Variants in GPC5 observed in about 807,000 individuals in gnomAD.
The protein encoded by GPC5 is glypican-5.
In GPC5, 47 loss-of-function variants were observed where a neutral mutation model predicts 53.9. That is an observed-to-expected ratio of 0.87 (90% CI 0.69 to 1.11). GPC5 has a LOEUF of 1.11. Ranked by LOEUF, GPC5 falls within the 50% of genes most tolerant of loss-of-function variation. GPC5 has a pLI of 0.00. For missense variants in GPC5, 748 were observed against 713.1 expected (o/e 1.05, Z -0.56); for synonymous variants, 286 against 263.3 (o/e 1.09, Z -0.84).
rs369848038 is a variant in GPC5 at position 92,356,049 on chromosome 13, C to T, written c.1561+211060C>T. Among the ~76,000 whole-genome samples the T allele has an allele frequency of 1.8e-4, 28 of 152,282 alleles. 1 individual carries two copies. In the South Asian group the frequency reaches 5.8e-3, roughly 32 times the overall value. On this transcript the variant is annotated intron_variant, in intron 7 of 7. Coordinates refer to ENST00000377067, the MANE Select transcript of GPC5 (RefSeq NM_004466.6). ...AAACTTTTACCCTATTTTAGATTCTCTACCACTGGCCTTTTCTTTCTCTCA... is the reference window on the plus strand; with the variant it reads ...AAACTTTTACCCTATTTTAGATTCTTTACCACTGGCCTTTTCTTTCTCTCA...
intron 7 of GPC5, among the ~76,000 whole-genome samples, chr13:92,747,179 C>T (rs1423834374): frequency 6.6e-6 from 1 of 152,082 alleles, no homozygotes; most frequent in African/African-American, 2.4e-5. Context: ...ACTGACATAT[C>T]CATTTTTAGT....
chr13:91,700,763 CTCAA>C (rs2035975251), intron 3 of GPC5, among the ~76,000 whole-genome samples: 1 of 152,156 alleles, frequency 6.6e-6, no homozygotes, highest in Non-Finnish European at 1.5e-5. Context: ...TACATTCTTC[CTCAA>C]TCAAATTACG....
At chr13:91,562,781 A>G (rs529544261) in intron 2 of GPC5, among the ~76,000 whole-genome samples, 1 of 152,190 alleles carries the variant, frequency 6.6e-6, no homozygotes, top group African/African-American at 2.4e-5. Flanking sequence ...TGAAAAAGTA[A>G]GCAGTTTGTT....
At chr13:91,725,086 T>G (rs1594483391) in intron 3 of GPC5, 1 of 152,206 alleles carries the variant, frequency 6.6e-6, no homozygotes, top group East Asian at 1.9e-4. Flanking sequence ...GTCAGCTAAG[T>G]GACAAGCAGT....
At chr13:92,262,077 G>A (rs1254226253) in intron 7 of GPC5, among the ~76,000 whole-genome samples, 1 of 152,074 alleles carries the variant, frequency 6.6e-6, no homozygotes, top group African/African-American at 2.4e-5. Flanking sequence ...AAGAAGATAA[G>A]GAAAATACCT....
Position 91,809,698 on chromosome 13 carries a change from GT to G in GPC5, c.1280+53285del, listed in dbSNP as rs1290425139. 7.9e-5 allele frequency among the ~76,000 whole-genome samples: 12 copies of G among 151,694 alleles called. No homozygotes were observed. The East Asian group carries it at 1.4e-3, about 17-fold the overall frequency. On this transcript the variant is annotated intron_variant, in intron 5 of 7. Transcript: ENST00000377067. The stretch of plus-strand genomic sequence containing the variant: ...ACATAAAACTCCCATCTCCTGCTTT[GT>G]TTTTTTAATAAAGAGAAATTTAGCA...
intron 7 of GPC5, among the ~76,000 whole-genome samples, chr13:92,528,270 C>T (rs1213553738): frequency 6.6e-6 from 1 of 152,062 alleles, no homozygotes; most frequent in South Asian, 2.1e-4. Context: ...GAATTATTAA[C>T]ATTTGGCTGC....
intron 7 of GPC5, among the ~76,000 whole-genome samples, chr13:92,527,396 A>G (rs7983333): frequency 1.3e-5 from 2 of 151,222 alleles, no homozygotes; most frequent in African/African-American, 2.5e-5. Context: ...GTGGTATCAT[A>G]GAAGAGCAGA....
intron 7 of GPC5, among the ~76,000 whole-genome samples, chr13:92,671,923 T>TG (rs1886765984): frequency 6.6e-6 from 1 of 152,232 alleles, no homozygotes; most frequent in South Asian, 2.1e-4. Context: ...GGGAGAACGT[T>TG]GACATTATCT....
intron 7 of GPC5, among the ~76,000 whole-genome samples, chr13:92,267,245 G>A (rs1187577462): frequency 6.6e-6 from 1 of 151,686 alleles, no homozygotes; most frequent in African/African-American, 2.4e-5. Flanking sequence ...TTCATAGCAA[G>A]GCTTTTTTTG....
chr13:92,061,620 A>T (rs970772987), intron 6 of GPC5, among the ~76,000 whole-genome samples: 3 of 152,094 alleles, frequency 2.0e-5, no homozygotes, highest in Admixed American at 2.0e-4. Flanking sequence ...TAGAAATATT[A>T]AATAGAAACA....
intron 6 of GPC5, among the ~76,000 whole-genome samples, chr13:92,135,972 T>G (rs1008849445): frequency 6.6e-6 from 1 of 152,226 alleles, no homozygotes; most frequent in African/African-American, 2.4e-5. Flanking sequence ...TTTCTACATT[T>G]GAAAGAGACA....
chr13:92,403,345 G>T (rs1875643140), intron 7 of GPC5, among the ~76,000 whole-genome samples: 1 of 152,182 alleles, frequency 6.6e-6, no homozygotes, highest in African/African-American at 2.4e-5. Context: ...CCCAAGCCAT[G>T]GCCGCCAACT....
chr13:92,233,268 G>A (rs994505336), intron 7 of GPC5, among the ~76,000 whole-genome samples: 2 of 152,206 alleles, frequency 1.3e-5, no homozygotes, highest in African/African-American at 2.4e-5. Flanking sequence ...TGATTCTACT[G>A]TATAAAACAA....
intron 6 of GPC5, among the ~76,000 whole-genome samples, chr13:91,990,159 T>C (rs1485251109): frequency 6.6e-6 from 1 of 152,232 alleles, no homozygotes; most frequent in African/African-American, 2.4e-5. Context: ...AAGTCTATTT[T>C]TATAGCTATT....
chr13:92,740,609 T>C (rs1308840173), intron 7 of GPC5, among the ~76,000 whole-genome samples: 2 of 152,158 alleles, frequency 1.3e-5, no homozygotes, highest in African/African-American at 4.8e-5. Context: ...CTGATCTTTG[T>C]AATAGTGCTA....
chr13:91,862,359 C>T (rs1357294218), intron 5 of GPC5, among the ~76,000 whole-genome samples: 15 of 152,264 alleles, frequency 9.9e-5, no homozygotes, highest in African/African-American at 2.6e-4. Context: ...CAACCAGGGG[C>T]AGTTTTGCCC....
chr13:92,501,203 A>T (rs1166863307), intron 7 of GPC5, among the ~76,000 whole-genome samples: 1 of 152,200 alleles, frequency 6.6e-6, no homozygotes, highest in African/African-American at 2.4e-5. Context: ...GCTATAATAA[A>T]ATATTCCAAC....
At chr13:91,765,267 A>T (rs1399416674) in intron 5 of GPC5, among the ~76,000 whole-genome samples, 1 of 152,254 alleles carries the variant, frequency 6.6e-6, no homozygotes, top group Non-Finnish European at 1.5e-5. Flanking sequence ...GGAATGCCGT[A>T]GCAGTTCAAT....
Sources: gnomAD v4.1 joint callset for allele counts (sites outside exome capture counted in the v4.1 genomes callset) on GRCh38, gnomAD v4.1.1 for gene constraint, MANE v1.5 for transcripts, NCBI Gene and HGNC (gene_info 2026-07-23, HGNC 2026-07-21) for gene names.